The following C8orf88 variants were observed in gnomAD, a reference collection of about 807,000 sequenced individuals.
C8orf88 encodes the protein chromosome 8 open reading frame 88.
In C8orf88, 14 loss-of-function variants were observed where a neutral mutation model predicts 18.4. The observed-to-expected ratio is 0.76, with a 90% CI of 0.50 to 1.19. C8orf88 has a LOEUF of 1.19. Among genes scored for constraint, C8orf88 ranks in the 50% most tolerant of loss-of-function variants. The pLI, the probability that C8orf88 is intolerant of heterozygous loss-of-function variation, is 0.00. For missense variants in C8orf88, 116 were observed against 134.7 expected, an observed-to-expected ratio of 0.86 and a Z score of 0.69; for synonymous variants, 45 against 42.9, an observed-to-expected ratio of 1.05 and a Z score of -0.19.
At chr8:90,981,499 G>A (rs1811435247) in intron 1 of C8orf88, among the ~76,000 whole-genome samples, 1 of 151,942 alleles carries the variant, frequency 6.6e-6, no homozygotes, top group Non-Finnish European at 1.5e-5. Context: ...AACAGGTAAG[G>A]TTAAATAAAA....
chr8:90,980,349 A>C lies in C8orf88; in HGVS notation c.73+14T>G, dbSNP rs1483936210. On this transcript the variant is annotated intron_variant, in intron 2 of 5. Transcript: ENST00000517562. ...CACATTAATATTTAAAGAACTGTAC[A>C]ATCTATTACTCACCTGGGGGAGAAG... is the stretch of plus-strand genomic sequence containing the variant. The C allele has an allele frequency of 1.3e-6, 2 of 1,495,268 alleles. No homozygotes were observed. The highest frequency in any genetic ancestry group is 1.8e-6 in the Non-Finnish European group (2 of 1,124,310). 92.6% of individuals were successfully genotyped at this position (1,495,268 alleles called of 1,614,324 possible). A position where few individuals can be genotyped will look rare whatever the true frequency, so the allele number is the denominator to read the frequency against.
At chr8:90,959,175 C>T in intron 5 of C8orf88, 145 bp from the exon 6 acceptor site, 1 of 433,004 alleles carries the variant, frequency 2.3e-6, no homozygotes, top group East Asian at 3.9e-5. Flanking sequence ...GTAACTAGAA[C>T]TGTCAAATAA....
At chr8:90,977,708 G>A (rs1163130418) in intron 3 of C8orf88, among the ~76,000 whole-genome samples, 3 of 152,094 alleles carry the variant, frequency 2.0e-5, no homozygotes, top group Admixed American at 1.3e-4. Flanking sequence ...TTGGGAGGCC[G>A]AGGCAGGCAG....
At chr8:90,964,151 T>C (rs1811163592) in intron 4 of C8orf88, among the ~76,000 whole-genome samples, 1 of 151,652 alleles carries the variant, frequency 6.6e-6, no homozygotes, top group African/African-American at 2.4e-5. Flanking sequence ...CAACTTATGA[T>C]GGGTTTATTG....
At chr8:90,979,467 T>C (rs917334587) in intron 2 of C8orf88, among the ~76,000 whole-genome samples, 1 of 152,198 alleles carries the variant, frequency 6.6e-6, no homozygotes, top group Non-Finnish European at 1.5e-5. Context: ...ATTAATTTCA[T>C]TTAGCTGACA....
At chr8:90,959,857 G>A (rs1811100388) in intron 5 of C8orf88, among the ~76,000 whole-genome samples, 1 of 151,204 alleles carries the variant, frequency 6.6e-6, no homozygotes, top group Non-Finnish European at 1.5e-5. Context: ...ACTCTAATAG[G>A]AAGTTAAATT....
chr8:90,983,999 A>G (rs1043674871), intron 1 of C8orf88, among the ~76,000 whole-genome samples: 1 of 152,182 alleles, frequency 6.6e-6, no homozygotes, highest in African/African-American at 2.4e-5. Context: ...CATTTTTCTT[A>G]GAATACTAAA....
chr8:90,980,019 C>T (rs757060065), intron 2 of C8orf88, among the ~76,000 whole-genome samples: 1 of 152,072 alleles, frequency 6.6e-6, no homozygotes, highest in Admixed American at 6.5e-5. Flanking sequence ...AATTCTCTCT[C>T]CAGCATGATT....
At chr8:90,965,977 A>G (rs897126223) in intron 4 of C8orf88, among the ~76,000 whole-genome samples, 19 of 151,830 alleles carry the variant, frequency 1.3e-4, no homozygotes, top group Admixed American at 6.6e-4. Flanking sequence ...AGGAGAAAAG[A>G]GCAAACTAAA....
At chr8:90,967,888 C>A (rs1437823979) in intron 4 of C8orf88, among the ~76,000 whole-genome samples, 1 of 151,576 alleles carries the variant, frequency 6.6e-6, no homozygotes, top group Admixed American at 6.6e-5. Flanking sequence ...GACTTGTACA[C>A]TGAAAACTGT....
chr8:90,968,354 C>CA (rs1421088576), intron 4 of C8orf88, among the ~76,000 whole-genome samples: 3 of 151,424 alleles, frequency 2.0e-5, no homozygotes, highest in Non-Finnish European at 4.4e-5. Flanking sequence ...TTACAAATTA[C>CA]AATGGGACAA....
At chr8:90,978,514 G>A in intron 3 of C8orf88, 65 bp downstream of exon 3, 1 of 938,966 alleles carries the variant, frequency 1.1e-6, no homozygotes, top group South Asian at 1.8e-5. Context: ...GCACACAATA[G>A]CCATCTAACA....
intron 2 of C8orf88, among the ~76,000 whole-genome samples, chr8:90,979,009 T>C (rs1209169474): frequency 6.6e-6 from 1 of 152,192 alleles, no homozygotes; most frequent in East Asian, 1.9e-4. Context: ...CAACATGAAG[T>C]AATTAAATCT....
At position 90,985,158 on chromosome 8, in the gene C8orf88, C is replaced by T. The variant is rs1195766227; in HGVS notation, c.-71G>A. The T allele has an allele frequency of 6.6e-6, 1 of 151,920 alleles. No homozygotes were observed. Among genetic ancestry groups the T allele is most frequent in the African/African-American group, 2.4e-5 (1 of 41,418 alleles). The allele number at this position is 151,920 out of a possible 1,614,324, so 9.4% of individuals were successfully genotyped here. A position where few individuals can be genotyped will look rare whatever the true frequency, so the allele number is the denominator to read the frequency against. On this transcript the variant is annotated 5_prime_UTR_variant, in exon 1 of 6. Coordinates refer to ENST00000517562, the MANE Select transcript of C8orf88 (RefSeq NM_001190972.2). ...ATTTCGGGGCAGCAGCGTCGCCGCG[C>T]TCAGCCCACACGCGGAGGCCGAGCG...
upstream of C8orf88, chr8:90,985,275 CG>C (rs1811491877): frequency 4.7e-4 from 1 of 2,116 alleles, no homozygotes; most frequent in Admixed American, 4.8e-3. Context: ...GGGCGAGGGG[CG>C]GGGGGCGGGG....
At chr8:90,982,419 T>C (rs183182607) in intron 1 of C8orf88, among the ~76,000 whole-genome samples, 31 of 152,258 alleles carry the variant, frequency 2.0e-4, no homozygotes, top group African/African-American at 7.0e-4. Context: ...CTGTTCCCCA[T>C]ATGAAACTAG....
rs188296624 is a variant in C8orf88, at chr8:90,960,928, T to G, written c.224-80A>C. Reference sequence around the variant, plus strand: ...ACTTTTTGGTTCATTTCTTTCTGGATGTCCTCTATTCATTATATAAAATGA... The same window carrying G: ...ACTTTTTGGTTCATTTCTTTCTGGAGGTCCTCTATTCATTATATAAAATGA... On this transcript the variant is annotated intron_variant, in intron 4 of 5. Transcript: ENST00000517562. 143 of 722,824 alleles carry G rather than the reference T, an allele frequency of 2.0e-4. No homozygotes were observed. In the African/African-American group the frequency reaches 2.4e-3, roughly 12 times the overall value. The allele number at this position is 722,824 out of a possible 1,614,324, so 44.8% of individuals were successfully genotyped here. A position where few individuals can be genotyped will look rare whatever the true frequency, so the allele number is the denominator to read the frequency against.
intron 4 of C8orf88, among the ~76,000 whole-genome samples, chr8:90,969,071 T>C (rs1811246557): frequency 6.6e-6 from 1 of 151,764 alleles, no homozygotes; most frequent in South Asian, 2.1e-4. Context: ...TTCCTTAAAA[T>C]GTTAAACACA....
intron 5 of C8orf88, among the ~76,000 whole-genome samples, chr8:90,959,572 T>C (rs1248580623): frequency 1.3e-5 from 2 of 151,474 alleles, no homozygotes; most frequent in Non-Finnish European, 3.0e-5. Context: ...AAATTTTAAT[T>C]CCTGCTTTAA....
Sources: gnomAD v4.1 joint callset for allele counts (sites outside exome capture counted in the v4.1 genomes callset) on GRCh38, gnomAD v4.1.1 for gene constraint, MANE v1.5 for transcripts, NCBI Gene and HGNC (gene_info 2026-07-23, HGNC 2026-07-21) for gene names.